Variants in PPP2R1B observed in about 807,000 individuals in gnomAD.
The protein encoded by PPP2R1B is protein phosphatase 2 scaffold subunit Abeta.
Under a neutral mutation model 72.7 loss-of-function variants are expected in PPP2R1B, and 58 were observed. The ratio of observed to expected loss-of-function variants is 0.80; its 90% CI spans 0.65 to 0.99. PPP2R1B has a LOEUF of 0.99. Ranked by LOEUF, PPP2R1B falls within the 50% of genes least tolerant of loss-of-function variation. PPP2R1B has a pLI of 0.00. For synonymous variants in PPP2R1B, 256 were observed against 264.6 expected (o/e 0.97, Z 0.32); for missense variants, 695 against 733.6 (o/e 0.95, Z 0.61).
chr11:111,742,323 A>ACCACC, intron 13 of PPP2R1B, 179 bp from the exon 14 acceptor site: 1 of 643,752 alleles, frequency 1.6e-6, no homozygotes, highest in Non-Finnish European at 2.4e-6. Flanking sequence ...GCTTCAGACA[A>ACCACC]GGATCTACAC....
the PPP2R1B span, among the ~76,000 whole-genome samples, chr11:111,698,881 C>T: frequency 6.6e-6 from 1 of 152,164 alleles, no homozygotes; most frequent in Admixed American, 6.5e-5. Context: ...CTGCTTTATC[C>T]TGTGAGTGAA....
chr11:111,688,841 C>T, the PPP2R1B span, among the ~76,000 whole-genome samples: 2 of 152,018 alleles, frequency 1.3e-5, no homozygotes, highest in Admixed American at 6.5e-5. The surrounding 1 kb of genome is among the most constrained non-coding windows in gnomAD (Gnocchi z 4.2). Flanking sequence ...ACAACATATC[C>T]ATATATAAAA....
At chr11:111,706,019 G>A in the PPP2R1B span, among the ~76,000 whole-genome samples, 3 of 152,192 alleles carry the variant, frequency 2.0e-5, no homozygotes, top group Non-Finnish European at 4.4e-5. Context: ...GCTCAGTGTG[G>A]TGGTTAGAAG....
At chr11:111,755,584 CTTTTTCT>C in intron 5 of PPP2R1B, 134 bp from the exon 6 acceptor site, 2 of 623,920 alleles carry the variant, frequency 3.2e-6, no homozygotes, top group South Asian at 3.8e-5. Flanking sequence ...GTCTTGACAT[CTTTTTCT>C]TTTTTTTTTT....
chr11:111,745,047 A>AT (rs10579316), intron 11 of PPP2R1B, among the ~76,000 whole-genome samples: 69 of 84,964 alleles, frequency 8.1e-4, no homozygotes, highest in African/African-American at 2.5e-3. Context: ...TTCTCCTCTA[A>AT]TTTTTTTTTT....
At chr11:111,705,958 AC>A in the PPP2R1B span, among the ~76,000 whole-genome samples, 1 of 152,238 alleles carries the variant, frequency 6.6e-6, no homozygotes, top group Non-Finnish European at 1.5e-5. This position sits in a 1 kb window ranked among gnomAD's most constrained non-coding sequence, Gnocchi z 4.3. Context: ...AAGTATAAGA[AC>A]CATCTTAGAG....
the PPP2R1B span, chr11:111,721,779 CG>C: frequency 3.5e-6 from 5 of 1,430,818 alleles, no homozygotes; most frequent in East Asian, 1.2e-4. Context: ...AGAACTGAGA[CG>C]TTTTTCCCCA....
the PPP2R1B span, among the ~76,000 whole-genome samples, chr11:111,690,332 C>T: frequency 6.6e-6 from 1 of 150,430 alleles, no homozygotes; most frequent in Non-Finnish European, 1.5e-5. Flanking sequence ...ACTCCTGCTA[C>T]ACCTTTACAT....
At chr11:111,721,737 T>C in the PPP2R1B span, 1 of 872,376 alleles carries the variant, frequency 1.1e-6, no homozygotes. Context: ...GAGTTGGTAT[T>C]CCTATTGGAC....
chr11:111,729,055 AGAGCCCT>A (rs1944090611), intron 15 of PPP2R1B: 1 of 152,264 alleles, frequency 6.6e-6, no homozygotes, highest in Non-Finnish European at 1.5e-5. Flanking sequence ...CTGTAATGTC[AGAGCCCT>A]TGTCTGGCCC....
At chr11:111,719,759 C>T in the PPP2R1B span, 1 of 1,607,186 alleles carries the variant, frequency 6.2e-7, no homozygotes, top group South Asian at 1.1e-5. Context: ...AGTTTCCTCT[C>T]TCCCCTGGCG....
chr11:111,703,096 A>G, the PPP2R1B span: 1 of 901,914 alleles, frequency 1.1e-6, no homozygotes, highest in Non-Finnish European at 1.7e-6. Context: ...GCTTTCCAGT[A>G]GAGGATACAA....
downstream of PPP2R1B, among the ~76,000 whole-genome samples, chr11:111,735,074 GC>G (rs1272690548): frequency 6.6e-6 from 1 of 152,180 alleles, no homozygotes; most frequent in Non-Finnish European, 1.5e-5. Context: ...AATAAGGCAG[GC>G]AGGAAAAAAC....
chr11:111,762,365 T>C (rs1190529097), intron 3 of PPP2R1B, among the ~76,000 whole-genome samples: 2 of 152,168 alleles, frequency 1.3e-5, no homozygotes, highest in South Asian at 2.1e-4. Context: ...TGCCAATGCA[T>C]TTCATGATCT....
chr11:111,729,204 C>T (rs1036559615), intron 15 of PPP2R1B: 1 of 152,260 alleles, frequency 6.6e-6, no homozygotes, highest in African/African-American at 2.4e-5. Flanking sequence ...CGTGCACCCC[C>T]ACCTTGTGTC....
rs1045264461 is a variant in PPP2R1B, at chr11:111,740,242, G to C, written c.*1354C>G. ...AAAATAGTTGTTTTTTTTTGAGATG[G>C]ACTCTCGCTCTATGGCCCAGGCTAG... On this transcript the variant is annotated 3_prime_UTR_variant, in exon 15 of 15. Coordinates refer to ENST00000527614, the MANE Select transcript of PPP2R1B (RefSeq NM_002716.5). The C allele has an allele frequency of 2.0e-6, 2 of 981,262 alleles. No individual in the cohort carries two copies. Among genetic ancestry groups the C allele is most frequent in the Non-Finnish European group, 2.4e-6 (2 of 826,210 alleles). 60.8% of individuals were successfully genotyped at this position (981,262 alleles called of 1,614,324 possible).
At position 111,761,030 on chromosome 11, in the gene PPP2R1B, T is replaced by C. The variant is rs782595109; in HGVS notation, c.328A>G (p.Thr110Ala). 93 of 1,614,038 alleles carry C rather than the reference T, an allele frequency of 5.8e-5. No individual in the cohort carries two copies. Among genetic ancestry groups the C allele is most frequent in the Admixed American group, 1.5e-4 (9 of 59,998 alleles). ...CLLPPLENLA[T>A]VEETVVRDKA... ...TCACGAACAACAGTCTCTTCCACAG[T>C]TGCCAGATTTTCCAAAGGAGGCTGA... Residue 110 changes from threonine (T) to alanine (A), a missense_variant, in exon 4 of 15, where the codon ACT (threonine) becomes GCT (alanine). Transcript: ENST00000527614.
the PPP2R1B span, among the ~76,000 whole-genome samples, chr11:111,706,291 A>C: frequency 6.6e-6 from 1 of 152,222 alleles, no homozygotes; most frequent in East Asian, 1.9e-4. Context: ...TATGACTTAG[A>C]GATGACTCTG....
chr11:111,728,817 G>T (rs1009169868), intron 15 of PPP2R1B: 1 of 152,048 alleles, frequency 6.6e-6, no homozygotes, highest in East Asian at 2.0e-4. Context: ...CCAGCTACTC[G>T]GGAGGCTGAG....
Sources: allele counts gnomAD v4.1 joint callset (sites outside exome capture counted in the v4.1 genomes callset), GRCh38; gene constraint gnomAD v4.1.1; non-coding constraint Gnocchi (gnomAD v3.1); transcripts MANE v1.5; gene names NCBI Gene and HGNC (gene_info 2026-07-23, HGNC 2026-07-21).